DRC11: variants seen among roughly 807,000 people sequenced by gnomAD.
DRC11 encodes the protein dynein regulatory complex subunit 11.
chr2:236,442,093 C>A, the DRC11 span, among the ~76,000 whole-genome samples: 1 of 152,084 alleles, frequency 6.6e-6, no homozygotes, highest in Admixed American at 6.5e-5. Context: ...AGAACAAGAT[C>A]CTATCTCCAA....
the DRC11 span, among the ~76,000 whole-genome samples, chr2:236,496,584 G>A: frequency 1.1e-4 from 17 of 152,240 alleles, no homozygotes; most frequent in Middle Eastern, 3.4e-3. This position sits in a 1 kb window ranked among gnomAD's most constrained non-coding sequence, Gnocchi z 6.3. Flanking sequence ...GTTGCCAGGC[G>A]CCAGCAGCAA....
chr2:236,401,206 T>C, the DRC11 span, among the ~76,000 whole-genome samples: 35,973 of 152,062 alleles, frequency 0.24, 4,663 homozygotes, highest in Middle Eastern at 0.29. The surrounding 1 kb of genome is among the most constrained non-coding windows in gnomAD (Gnocchi z 4.6). Context: ...CTCCTGCCTC[T>C]GCCGTCACTG....
the DRC11 span, among the ~76,000 whole-genome samples, chr2:236,323,600 T>A: frequency 6.6e-6 from 1 of 152,226 alleles, no homozygotes; most frequent in Admixed American, 6.5e-5. The surrounding 1 kb of genome is among the most constrained non-coding windows in gnomAD (Gnocchi z 6.4). Flanking sequence ...CAAACCTTCT[T>A]GGCCATTGAT....
the DRC11 span, among the ~76,000 whole-genome samples, chr2:236,355,186 G>A: frequency 5.3e-5 from 8 of 152,156 alleles, no homozygotes; most frequent in African/African-American, 1.9e-4. Context: ...TACAGACGCC[G>A]GCATCCCCAC....
At chr2:236,503,449 C>A in the DRC11 span, among the ~76,000 whole-genome samples, 1 of 152,160 alleles carries the variant, frequency 6.6e-6, no homozygotes, top group Non-Finnish European at 1.5e-5. The surrounding 1 kb of genome is among the most constrained non-coding windows in gnomAD (Gnocchi z 4.9). Context: ...CGGAGCTGAC[C>A]CATAACTGGA....
At chr2:236,380,123 G>A in the DRC11 span, among the ~76,000 whole-genome samples, 4 of 152,164 alleles carry the variant, frequency 2.6e-5, no homozygotes, top group Non-Finnish European at 4.4e-5. This position sits in a 1 kb window ranked among gnomAD's most constrained non-coding sequence, Gnocchi z 4.9. Context: ...CACTGAAGCT[G>A]GGCCCATGAA....
At chr2:236,406,557 C>G in the DRC11 span, among the ~76,000 whole-genome samples, 1 of 152,100 alleles carries the variant, frequency 6.6e-6, no homozygotes, top group African/African-American at 2.4e-5. The surrounding 1 kb of genome is among the most constrained non-coding windows in gnomAD (Gnocchi z 4.7). Flanking sequence ...GAGAGGTCGA[C>G]CAGCGATTTT....
chr2:236,445,475 G>A, the DRC11 span, among the ~76,000 whole-genome samples: 16 of 151,858 alleles, frequency 1.1e-4, no homozygotes, highest in Admixed American at 1.0e-3. The surrounding 1 kb of genome is among the most constrained non-coding windows in gnomAD (Gnocchi z 4.8). Flanking sequence ...TGGGACTACA[G>A]GTATGCACCA....
chr2:236,392,011 C>G, the DRC11 span: 18 of 1,613,974 alleles, frequency 1.1e-5, no homozygotes, highest in Non-Finnish European at 1.4e-5. The surrounding 1 kb of genome is among the most constrained non-coding windows in gnomAD (Gnocchi z 5.1). Context: ...ACTGGGCGCT[C>G]CCTTTCTCTG....
chr2:236,448,311 A>C, the DRC11 span, among the ~76,000 whole-genome samples: 1 of 152,226 alleles, frequency 6.6e-6, no homozygotes, highest in Non-Finnish European at 1.5e-5. This position sits in a 1 kb window ranked among gnomAD's most constrained non-coding sequence, Gnocchi z 5.3. Flanking sequence ...GACCTCTCTG[A>C]TATGATGGCA....
chr2:236,476,796 AC>A, the DRC11 span, among the ~76,000 whole-genome samples: 1 of 151,694 alleles, frequency 6.6e-6, no homozygotes, highest in Non-Finnish European at 1.5e-5. This position sits in a 1 kb window ranked among gnomAD's most constrained non-coding sequence, Gnocchi z 4.7. Flanking sequence ...CAGGTTTGTT[AC>A]ATAGGTAAAT....
At chr2:236,406,945 C>G in the DRC11 span, among the ~76,000 whole-genome samples, 1 of 152,166 alleles carries the variant, frequency 6.6e-6, no homozygotes, top group African/African-American at 2.4e-5. This position sits in a 1 kb window ranked among gnomAD's most constrained non-coding sequence, Gnocchi z 4.7. Context: ...TGGGGTTTCA[C>G]CATGTTGGCC....
chr2:236,504,489 C>T, the DRC11 span, among the ~76,000 whole-genome samples: 14 of 152,092 alleles, frequency 9.2e-5, no homozygotes, highest in Non-Finnish European at 1.6e-4. The surrounding 1 kb of genome is among the most constrained non-coding windows in gnomAD (Gnocchi z 5.0). Context: ...TAAAAGTGCT[C>T]TACATTTAAA....
the DRC11 span, among the ~76,000 whole-genome samples, chr2:236,449,715 G>C: frequency 1.3e-5 from 2 of 152,192 alleles, no homozygotes; most frequent in South Asian, 4.1e-4. The surrounding 1 kb of genome is among the most constrained non-coding windows in gnomAD (Gnocchi z 5.1). Flanking sequence ...CTCTGTGCAG[G>C]CAACACTCTC....
the DRC11 span, among the ~76,000 whole-genome samples, chr2:236,366,475 C>T: frequency 3.9e-5 from 6 of 152,218 alleles, no homozygotes; most frequent in African/African-American, 7.2e-5. Context: ...ATCTGCCTAA[C>T]GTTTCTATGC....
At chr2:236,363,993 A>G in the DRC11 span, 1 of 1,608,626 alleles carries the variant, frequency 6.2e-7, no homozygotes, top group Non-Finnish European at 8.5e-7. This position sits in a 1 kb window ranked among gnomAD's most constrained non-coding sequence, Gnocchi z 5.6. Context: ...AAAAAGGCAG[A>G]GGCAAAGGTG....
At chr2:236,331,491 G>A in the DRC11 span, 35 of 1,613,820 alleles carry the variant, frequency 2.2e-5, no homozygotes, top group Non-Finnish European at 2.6e-5. The surrounding 1 kb of genome is among the most constrained non-coding windows in gnomAD (Gnocchi z 4.8). Flanking sequence ...TAACCACTTC[G>A]ACTATATGTC....
At chr2:236,471,456 T>C in the DRC11 span, among the ~76,000 whole-genome samples, 1 of 152,212 alleles carries the variant, frequency 6.6e-6, no homozygotes, top group Admixed American at 6.5e-5. This position sits in a 1 kb window ranked among gnomAD's most constrained non-coding sequence, Gnocchi z 4.6. Context: ...ACTGTAACGT[T>C]AACTTTTTTG....
the DRC11 span, among the ~76,000 whole-genome samples, chr2:236,363,265 G>C: frequency 6.6e-6 from 1 of 152,180 alleles, no homozygotes. This position sits in a 1 kb window ranked among gnomAD's most constrained non-coding sequence, Gnocchi z 5.6. Context: ...GGGAAGCTAG[G>C]AGCTTAGCTA....
Sources: gnomAD v4.1 joint callset for allele counts (sites outside exome capture counted in the v4.1 genomes callset) on GRCh38, gnomAD v4.1.1 for gene constraint, Gnocchi (gnomAD v3.1) non-coding constraint, MANE v1.5 for transcripts, NCBI Gene and HGNC (gene_info 2026-07-23, HGNC 2026-07-21) for gene names.